The following ACOT11 variants were observed in gnomAD, a reference collection of about 807,000 sequenced individuals.
ACOT11 encodes acyl-coenzyme A thioesterase 11.
A neutral mutation model predicts 77.5 loss-of-function variants in ACOT11; 69 were observed. That is an observed-to-expected ratio of 0.89 (90% CI 0.73 to 1.09). The LOEUF (loss-of-function observed/expected upper bound fraction) is 1.09. Ranked by LOEUF, ACOT11 falls within the 50% of genes least tolerant of loss-of-function variation. ACOT11 has a pLI of 0.00. For synonymous variants in ACOT11, 279 were observed against 313.0 expected (o/e 0.89, Z 1.15); for missense variants, 766 against 813.7 (o/e 0.94, Z 0.71).
chr1:54,562,905 C>G (rs1383146764), intron 1 of ACOT11, among the ~76,000 whole-genome samples: 4 of 139,426 alleles, frequency 2.9e-5, no homozygotes, highest in African/African-American at 5.4e-5. Context: ...CGGGCGGAGA[C>G]GCTCCTCACT....
At chr1:54,595,366 A>G (rs1480065274) in intron 6 of ACOT11, among the ~76,000 whole-genome samples, 1 of 152,202 alleles carries the variant, frequency 6.6e-6, no homozygotes, top group Admixed American at 6.5e-5. Flanking sequence ...AAATAAGTAT[A>G]TAGCATATAT....
intron 15 of ACOT11, among the ~76,000 whole-genome samples, chr1:54,618,920 T>C (rs1644201405): frequency 6.6e-6 from 1 of 152,186 alleles, no homozygotes; most frequent in South Asian, 2.1e-4. Context: ...AAGTGTTAAT[T>C]ATTTATATGG....
In ACOT11 at chr1:54,607,641, G is replaced by GA. The variant is rs997791883; in HGVS notation, c.1503-293dup. The stretch of plus-strand genomic sequence containing the variant: ...CTCTTTTGCTGGAGAGACAGGGACA[G>GA]AAAAAAAATCCCAAAGCCCACGAGT... On this transcript the variant is annotated intron_variant, in intron 14 of 15. Transcript: ENST00000343744. This position sits in a 1 kb window ranked among gnomAD's most constrained non-coding sequence, Gnocchi z 4.5. Among the ~76,000 whole-genome samples, 1 of 151,944 alleles carries GA rather than the reference G, an allele frequency of 6.6e-6. No individual in the cohort carries two copies. Among genetic ancestry groups the GA allele is most frequent in the East Asian group, 1.9e-4 (1 of 5,162 alleles).
At chr1:54,576,122 C>T (rs1438450932) in intron 1 of ACOT11, among the ~76,000 whole-genome samples, 2 of 151,940 alleles carry the variant, frequency 1.3e-5, no homozygotes, top group African/African-American at 2.4e-5. Context: ...GCTGATTGGC[C>T]GAGGAGTGAG....
In ACOT11 at chr1:54,607,847, A is replaced by G; in HGVS notation, c.1503-95A>G. 1.3e-6 allele frequency: 2 copies of G among 1,513,676 alleles called. No homozygotes were observed. Among genetic ancestry groups the G allele is most frequent in the Non-Finnish European group, 1.8e-6 (2 of 1,107,232 alleles). 93.8% of individuals were successfully genotyped at this position (1,513,676 alleles called of 1,614,324 possible). A position where few individuals can be genotyped will look rare whatever the true frequency, so the allele number is the denominator to read the frequency against. ...ATCCCCCTGGTGAGGAATCTGTGCT[A>G]GAGGGGGCAGGGTCTCGGCCTTGGT... On this transcript the variant is annotated intron_variant, in intron 14 of 15. Coordinates refer to ENST00000343744, the MANE Select transcript of ACOT11 (RefSeq NM_147161.4). The surrounding 1 kb of genome is among the most constrained non-coding windows in gnomAD (Gnocchi z 4.5).
intron 1 of ACOT11, among the ~76,000 whole-genome samples, chr1:54,562,826 G>A (rs1481245652): frequency 9.3e-6 from 1 of 106,996 alleles, no homozygotes; most frequent in African/African-American, 3.8e-5. Flanking sequence ...GGGCAGAGAC[G>A]CTCCTCACTT....
At chr1:54,562,868 T>G (rs1465472667) in intron 1 of ACOT11, among the ~76,000 whole-genome samples, 6 of 115,698 alleles carry the variant, frequency 5.2e-5, no homozygotes, top group African/African-American at 2.1e-4. Flanking sequence ...GAAGAGGCGC[T>G]CCTCACTTCC....
At chr1:54,549,182 A>G (rs914652802) in intron 1 of ACOT11, among the ~76,000 whole-genome samples, 5 of 151,982 alleles carry the variant, frequency 3.3e-5, no homozygotes, top group African/African-American at 9.7e-5. Flanking sequence ...CCCCCATTCC[A>G]TGTCAGCCCC....
At chr1:54,554,321 G>GTA (rs1653177335) in intron 1 of ACOT11, among the ~76,000 whole-genome samples, 1 of 81,262 alleles carries the variant, frequency 1.2e-5, no homozygotes, top group African/African-American at 4.3e-5. Context: ...GTGTGTGTGT[G>GTA]TGTGTGTGTG....
At chr1:54,556,359 C>A (rs1348456962) in intron 1 of ACOT11, among the ~76,000 whole-genome samples, 1 of 152,068 alleles carries the variant, frequency 6.6e-6, no homozygotes, top group Non-Finnish European at 1.5e-5. Flanking sequence ...CTCAAGATTG[C>A]TTTGGCTATT....
At chr1:54,581,078 T>TTAGAAAGGTCTATGTGCTC (rs750172651) in intron 1 of ACOT11, among the ~76,000 whole-genome samples, 6 of 152,280 alleles carry the variant, frequency 3.9e-5, no homozygotes, top group Admixed American at 2.0e-4. Flanking sequence ...GGCTTGCTCT[T>TTAGAAAGGTCTATGTGCTC]TAGAAAGGTC....
At chr1:54,548,993 CAGACTGGCAGAGGTTGTA>C (rs1173861897) in intron 1 of ACOT11, among the ~76,000 whole-genome samples, 3 of 152,166 alleles carry the variant, frequency 2.0e-5, no homozygotes, top group East Asian at 3.8e-4. Context: ...GGGCTCAGGA[CAGACTGGCAGAGGTTGTA>C]AGACTGGCAG....
At position 54,601,254 on chromosome 1, in the gene ACOT11, A is replaced by G; in HGVS notation, c.885-15A>G. On this transcript the variant is annotated splice_polypyrimidine_tract_variant and intron_variant, in intron 8 of 15. Transcript: ENST00000343744. ...AAGGTCTGTCCAGGTTGGAAGCCAC[A>G]CTCCCTCCCCTCAGCATGGAGGTGG... is the stretch of plus-strand genomic sequence containing the variant. 6.2e-7 allele frequency: 1 copy of G among 1,605,498 alleles called. No individual in the cohort carries two copies. Among genetic ancestry groups the G allele is most frequent in the Non-Finnish European group, 8.5e-7 (1 of 1,178,638 alleles).
chr1:54,585,595 C>G (rs747829645), intron 2 of ACOT11, among the ~76,000 whole-genome samples: 1 of 152,166 alleles, frequency 6.6e-6, no homozygotes, highest in Non-Finnish European at 1.5e-5. Flanking sequence ...AATCCTTGTC[C>G]TCAAGTAATT....
intron 15 of ACOT11, among the ~76,000 whole-genome samples, chr1:54,618,565 G>A (rs1045832041): frequency 6.8e-4 from 103 of 152,178 alleles, no homozygotes; most frequent in African/African-American, 2.2e-3. Context: ...CCTTCCAGAG[G>A]CTGAACCTGG....
intron 15 of ACOT11, among the ~76,000 whole-genome samples, chr1:54,625,481 T>A (rs1213499552): frequency 6.6e-6 from 1 of 152,150 alleles, no homozygotes; most frequent in African/African-American, 2.4e-5. Context: ...CCAGATCCCT[T>A]CTGTAATAAG....
intron 1 of ACOT11, among the ~76,000 whole-genome samples, chr1:54,571,061 T>TTC (rs556109250): frequency 1.3e-5 from 2 of 149,402 alleles, no homozygotes; most frequent in Admixed American, 6.6e-5. Flanking sequence ...AATTATGATA[T>TTC]TCTCTCTCTC....
chr1:54,562,867 C>T (rs1569656406), intron 1 of ACOT11, among the ~76,000 whole-genome samples: 1 of 127,894 alleles, frequency 7.8e-6, no homozygotes, highest in Non-Finnish European at 1.7e-5. Flanking sequence ...GGAAGAGGCG[C>T]TCCTCACTTC....
rs1380899298 is a variant in ACOT11 at position 54,584,736 on chromosome 1, G to A, written c.115G>A (p.Glu39Lys). Reference protein sequence around the residue: ...AGNDSAMADGEGYRNPTEVQM... With the variant: ...AGNDSAMADGKGYRNPTEVQM... ...GAACGACAGTGCCATGGCAGACGGC[G>A]AGGGATACCGGAACCCCACGGAGGT... Residue 39 changes from glutamate to lysine, a missense_variant, in exon 2 of 16, where the codon GAG becomes AAG. Transcript: ENST00000343744. The surrounding 1 kb of genome is among the most constrained non-coding windows in gnomAD (Gnocchi z 6.3). 3.1e-6 allele frequency: 5 copies of A among 1,614,034 alleles called. No homozygotes were observed. Among genetic ancestry groups the A allele is most frequent in the East Asian group, 2.2e-5 (1 of 44,892 alleles).
Sources: allele counts gnomAD v4.1 joint callset (sites outside exome capture counted in the v4.1 genomes callset), GRCh38; gene constraint gnomAD v4.1.1; non-coding constraint Gnocchi (gnomAD v3.1); transcripts MANE v1.5; gene names NCBI Gene and HGNC (gene_info 2026-07-23, HGNC 2026-07-21).